Variants in CA5B observed in about 807,000 individuals in gnomAD.
CA5B encodes carbonic anhydrase 5B, mitochondrial.
A neutral mutation model predicts 23.1 loss-of-function variants in CA5B; 15 were observed. That is an observed-to-expected ratio of 0.65 (90% CI 0.43 to 1.00). CA5B has a LOEUF of 1.00. Among genes scored for constraint, CA5B ranks in the 50% least tolerant of loss-of-function variants. The pLI is 0.00. For missense variants in CA5B, 236 were observed against 252.2 expected, an observed-to-expected ratio of 0.94 and a Z score of 0.43; for synonymous variants, 84 against 98.5, an observed-to-expected ratio of 0.85 and a Z score of 0.87.
intron 1 of CA5B, among the ~76,000 whole-genome samples, chrX:15,746,022 CTTTTTTT>C (rs11304971): frequency 1.9e-5 from 1 of 53,404 alleles, no homozygotes; most frequent in African/African-American, 7.0e-5. Flanking sequence ...GCGTCAACTT[CTTTTTTT>C]TTTTTTTTTT....
chrX:15,775,190 G>C, intron 5 of CA5B, 56 bp from the exon 6 acceptor site: 1 of 921,690 alleles, frequency 1.1e-6, no homozygotes, highest in South Asian at 2.4e-5. Flanking sequence ...TTCTGTTACA[G>C]TTTCTACAGT....
chrX:15,751,687 A>G (rs748976604), intron 2 of CA5B, among the ~76,000 whole-genome samples: 7 of 111,111 alleles, frequency 6.3e-5, no homozygotes, highest in African/African-American at 2.3e-4. Flanking sequence ...TTCCCACAAC[A>G]GATGACATGT....
intron 1 of CA5B, among the ~76,000 whole-genome samples, chrX:15,744,271 G>C (rs1417645890): frequency 8.9e-6 from 1 of 112,977 alleles, no homozygotes; most frequent in Non-Finnish European, 1.9e-5. Flanking sequence ...ATGGCTCTCT[G>C]TGGAGCAGAG....
intron 3 of CA5B, chrX:15,769,459 C>T: frequency 1.3e-6 from 1 of 752,252 alleles, no homozygotes; most frequent in East Asian, 1.5e-4. Flanking sequence ...ATTATCATCT[C>T]CTCTGGAATT....
At position 15,788,366 on chromosome X, in the gene CA5B, GCTTAT is replaced by G. The variant is rs1184470218; in HGVS notation, c.*5707_*5711del. On this transcript the variant is annotated 3_prime_UTR_variant, in exon 8 of 8. Coordinates refer to ENST00000318636, the MANE Select transcript of CA5B (RefSeq NM_007220.4). ...AGGCACTGTATCAGCATATAACATG[GCTTAT>G]CTTACTCAGTTTTCACAATAAAAGG... 1 of 111,855 alleles carries G rather than the reference GCTTAT, an allele frequency of 8.9e-6. No homozygotes were observed. Among genetic ancestry groups the G allele is most frequent in the Non-Finnish European group, 1.9e-5 (1 of 53,229 alleles). The allele number at this position is 111,855 out of a possible 1,213,427, so 9.2% of individuals were successfully genotyped here.
At chrX:15,752,571 G>A (rs12558714) in intron 2 of CA5B, among the ~76,000 whole-genome samples, 37 of 110,815 alleles carry the variant, frequency 3.3e-4, no homozygotes, top group Admixed American at 1.4e-3. Flanking sequence ...TAAAAATACA[G>A]AAAATTAGCC....
At chrX:15,776,344 A>G (rs1324909681) in intron 6 of CA5B, among the ~76,000 whole-genome samples, 2 of 107,802 alleles carry the variant, frequency 1.9e-5, no homozygotes, top group African/African-American at 6.7e-5. Context: ...GTCTCAAAAA[A>G]AAAAAAAAAA....
At chrX:15,756,433 A>C (rs1488131530) in intron 2 of CA5B, among the ~76,000 whole-genome samples, 1 of 112,942 alleles carries the variant, frequency 8.9e-6, no homozygotes, top group Non-Finnish European at 1.9e-5. Context: ...TGGGCAGATA[A>C]AGCAAACACA....
chrX:15,786,817 A>G lies in CA5B; in HGVS notation c.*4153A>G, dbSNP rs1932125961. On this transcript the variant is annotated 3_prime_UTR_variant, in exon 8 of 8. Transcript: ENST00000318636. ...TGCACCTTTTTCTGTTGCACAGTAC[A>G]GTGCACAGTGTGCTGGCATCACCAT... 1 of 111,954 alleles carries G rather than the reference A, an allele frequency of 8.9e-6. No homozygotes were observed. The highest frequency in any genetic ancestry group is 9.5e-5 in the Admixed American group (1 of 10,502). The allele number at this position is 111,954 out of a possible 1,213,427, so 9.2% of individuals were successfully genotyped here. A position where few individuals can be genotyped will look rare whatever the true frequency, so the allele number is the denominator to read the frequency against.
At chrX:15,760,468 G>A (rs1374675433) in intron 2 of CA5B, among the ~76,000 whole-genome samples, 1 of 111,367 alleles carries the variant, frequency 9.0e-6, no homozygotes, top group Non-Finnish European at 1.9e-5. Context: ...GTAAACTCAA[G>A]GGCATAAACT....
chrX:15,740,489 T>A (rs1931097173), intron 1 of CA5B, among the ~76,000 whole-genome samples: 2 of 112,723 alleles, frequency 1.8e-5, no homozygotes, highest in African/African-American at 3.2e-5. Context: ...AAGCATTAGC[T>A]AAATTGAATT....
chrX:15,779,894 G>A (rs780471574), intron 7 of CA5B, among the ~76,000 whole-genome samples: 1 of 111,857 alleles, frequency 8.9e-6, no homozygotes, highest in South Asian at 3.7e-4. Context: ...ATACATCAGA[G>A]GGTCAGTGGC....
intron 2 of CA5B, among the ~76,000 whole-genome samples, chrX:15,757,011 C>T (rs1324682886): frequency 9.9e-6 from 1 of 101,483 alleles, no homozygotes; most frequent in Non-Finnish European, 2.0e-5. Flanking sequence ...GCCGAGATCG[C>T]GCCACTGCTC....
At chrX:15,754,553 T>C (rs920771241) in intron 2 of CA5B, among the ~76,000 whole-genome samples, 2 of 112,274 alleles carry the variant, frequency 1.8e-5, no homozygotes, top group Non-Finnish European at 3.8e-5. Context: ...TAGTCCTAAC[T>C]TTGGAGACTT....
intron 2 of CA5B, among the ~76,000 whole-genome samples, chrX:15,758,704 C>T (rs1473742809): frequency 1.8e-5 from 2 of 110,826 alleles, no homozygotes; most frequent in East Asian, 2.8e-4. Flanking sequence ...AATGGTGTCT[C>T]CCCATGTTGG....
chrX:15,765,001 A>G (rs1931678346), intron 3 of CA5B: 12 of 431,554 alleles, frequency 2.8e-5, no homozygotes, highest in African/African-American at 7.5e-5. Flanking sequence ...ATATATCTCT[A>G]TCTCTCTATG....
chrX:15,771,068 A>C (rs992720467), intron 3 of CA5B, among the ~76,000 whole-genome samples: 4 of 106,775 alleles, frequency 3.7e-5, no homozygotes, highest in African/African-American at 1.4e-4. Context: ...GTGCCCGGCC[A>C]AAAACATCTT....
chrX:15,748,434 T>G (rs1423737115), intron 1 of CA5B, among the ~76,000 whole-genome samples: 1 of 111,803 alleles, frequency 8.9e-6, no homozygotes, highest in Non-Finnish European at 1.9e-5. Context: ...TATATCACTA[T>G]TATTTAGCTC....
At chrX:15,770,079 C>T (rs955980057) in intron 3 of CA5B, among the ~76,000 whole-genome samples, 1 of 111,561 alleles carries the variant, frequency 9.0e-6, no homozygotes, top group African/African-American at 3.3e-5. Flanking sequence ...TTTGGGAGGC[C>T]GATGTGGGTG....
Sources: allele counts gnomAD v4.1 joint callset (sites outside exome capture counted in the v4.1 genomes callset), GRCh38; gene constraint gnomAD v4.1.1; transcripts MANE v1.5; gene names NCBI Gene and HGNC (gene_info 2026-07-23, HGNC 2026-07-21).